SPATA16: variants seen among roughly 807,000 people sequenced by gnomAD.
SPATA16 encodes the protein spermatogenesis-associated protein 16.
A neutral mutation model predicts 63.3 loss-of-function variants in SPATA16; 36 were observed. The observed-to-expected ratio is 0.57, with a 90% CI of 0.44 to 0.75. The LOEUF (loss-of-function observed/expected upper bound fraction) is 0.75. SPATA16 is among the 30% of genes least tolerant of loss of function. The probability of loss-of-function intolerance (pLI) is 0.00; values close to 1 mark genes in which losing one functional copy is unlikely to be tolerated. For synonymous variants in SPATA16, 203 were observed against 216.7 expected, an observed-to-expected ratio of 0.94 and a Z score of 0.56; for missense variants, 646 against 679.3, an observed-to-expected ratio of 0.95 and a Z score of 0.54.
chr3:172,950,322 A>G (rs1733400039), intron 6 of SPATA16, among the ~76,000 whole-genome samples: 1 of 152,216 alleles, frequency 6.6e-6, no homozygotes, highest in Non-Finnish European at 1.5e-5. Flanking sequence ...TCCCATTGGG[A>G]AGATCAACGT....
intron 2 of SPATA16, among the ~76,000 whole-genome samples, chr3:173,074,042 G>A (rs193197816): frequency 1.3e-5 from 2 of 152,308 alleles, no homozygotes; most frequent in Admixed American, 1.3e-4. Flanking sequence ...GGACTTGCAT[G>A]GGGTCTTTAG....
rs534629354 is a variant in SPATA16, at chr3:173,048,653, T to C, written c.758+296A>G. On this transcript the variant is annotated intron_variant, in intron 3 of 10. Transcript: ENST00000351008. Reference sequence around the variant, plus strand: ...ATCCCTCTTACGATTCAATACCACCTCCCTTACTTACCTATTCTCTCCCTC... The same window carrying C: ...ATCCCTCTTACGATTCAATACCACCCCCCTTACTTACCTATTCTCTCCCTC... Among the ~76,000 whole-genome samples, 33 of 152,134 alleles carry C rather than the reference T, an allele frequency of 2.2e-4. 1 individual carries two copies. The South Asian group carries it at 6.6e-3, about 31-fold the overall frequency.
intron 10 of SPATA16, among the ~76,000 whole-genome samples, chr3:172,890,233 C>T (rs1419990009): frequency 6.6e-6 from 1 of 152,016 alleles, no homozygotes; most frequent in Admixed American, 6.6e-5. Context: ...TAAAAAATGC[C>T]ACACTCCAGG....
chr3:172,959,400 G>A (rs1395122406), intron 5 of SPATA16, among the ~76,000 whole-genome samples: 2 of 152,178 alleles, frequency 1.3e-5, no homozygotes, highest in Non-Finnish European at 2.9e-5. Context: ...GGCCTTAACA[G>A]GGCTCTCACT....
At chr3:173,042,578 C>T (rs533681722) in intron 3 of SPATA16, among the ~76,000 whole-genome samples, 32 of 152,248 alleles carry the variant, frequency 2.1e-4, no homozygotes, top group Non-Finnish European at 3.8e-4. Context: ...CTGAAAATTA[C>T]CTGTATTTGT....
At chr3:172,991,913 A>G (rs1175639387) in intron 4 of SPATA16, among the ~76,000 whole-genome samples, 2 of 152,188 alleles carry the variant, frequency 1.3e-5, no homozygotes, top group African/African-American at 2.4e-5. Flanking sequence ...AGTGTTCACT[A>G]TATGTGTTTA....
chr3:172,913,840 C>A, intron 9 of SPATA16, 96 bp from the exon 10 acceptor site: 1 of 1,071,672 alleles, frequency 9.3e-7, no homozygotes, highest in Non-Finnish European at 1.4e-6. Context: ...ATCATTTGTA[C>A]GCTGATGATT....
At chr3:172,967,113 C>T (rs187549713) in intron 5 of SPATA16, among the ~76,000 whole-genome samples, 2 of 152,298 alleles carry the variant, frequency 1.3e-5, no homozygotes, top group African/African-American at 4.8e-5. Context: ...AGCCACAGGC[C>T]TCCTGGGAAT....
At chr3:173,068,627 A>T (rs1438876172) in intron 2 of SPATA16, among the ~76,000 whole-genome samples, 3 of 152,162 alleles carry the variant, frequency 2.0e-5, no homozygotes, top group African/African-American at 7.2e-5. Context: ...AAATTGAAAA[A>T]TTTCTTGAAA....
intron 5 of SPATA16, 86 bp from the exon 6 acceptor site, chr3:172,956,910 G>A: frequency 6.6e-7 from 1 of 1,504,154 alleles, no homozygotes; most frequent in Non-Finnish European, 9.1e-7. Flanking sequence ...CTTTATGGAT[G>A]ACTTAAAAAT....
At chr3:172,969,864 T>C (rs990117674) in intron 5 of SPATA16, among the ~76,000 whole-genome samples, 2 of 152,176 alleles carry the variant, frequency 1.3e-5, no homozygotes, top group African/African-American at 2.4e-5. Flanking sequence ...TGTGCTTATA[T>C]GGTTTGGCTT....
chr3:173,106,366 T>A (rs1399751), intron 2 of SPATA16, among the ~76,000 whole-genome samples: 8,876 of 152,208 alleles, frequency 0.058, 730 homozygotes, highest in African/African-American at 0.18. Flanking sequence ...TGTTTTCCCC[T>A]AAAATCAACA....
intron 2 of SPATA16, among the ~76,000 whole-genome samples, chr3:173,090,891 A>T (rs1471003026): frequency 5.9e-5 from 9 of 152,180 alleles, no homozygotes; most frequent in Admixed American, 5.9e-4. Context: ...ATCACTACAC[A>T]TGTAGAGTAT....
chr3:173,029,677 C>CATCTTTGAAAAGAT (rs1269351532), intron 3 of SPATA16, among the ~76,000 whole-genome samples: 1 of 152,032 alleles, frequency 6.6e-6, no homozygotes, highest in Non-Finnish European at 1.5e-5. Flanking sequence ...GCCACACAAC[C>CATCTTTGAAAAGAT]ATCTTTGAAA....
intron 2 of SPATA16, among the ~76,000 whole-genome samples, chr3:173,088,016 TTC>T (rs1220462770): frequency 1.4e-5 from 1 of 69,952 alleles, no homozygotes; most frequent in South Asian, 4.5e-4. Flanking sequence ...CCGTCTTTCT[TTC>T]TTTCTTTCTT....
intron 4 of SPATA16, among the ~76,000 whole-genome samples, chr3:172,993,202 G>GAAA (rs71965210): frequency 1.2e-4 from 18 of 147,738 alleles, no homozygotes; most frequent in Admixed American, 1.4e-4. Flanking sequence ...AAATATTAGT[G>GAAA]AAAAAAAAAA....
intron 6 of SPATA16, among the ~76,000 whole-genome samples, chr3:172,956,128 C>T (rs1194565240): frequency 6.6e-6 from 1 of 151,988 alleles, no homozygotes; most frequent in Non-Finnish European, 1.5e-5. Context: ...ATATTTTTTG[C>T]ATGAGAATGA....
chr3:173,134,538 G>A (rs563947791), intron 1 of SPATA16, among the ~76,000 whole-genome samples: 1 of 151,942 alleles, frequency 6.6e-6, no homozygotes, highest in Non-Finnish European at 1.5e-5. Context: ...TGCCTCGCAT[G>A]TTTGGTCTTC....
At chr3:173,010,029 C>G (rs897356004) in intron 4 of SPATA16, among the ~76,000 whole-genome samples, 3 of 152,070 alleles carry the variant, frequency 2.0e-5, no homozygotes, top group Admixed American at 1.3e-4. Context: ...TTGGTTGTGG[C>G]AGGGGACCAA....
Sources: allele counts gnomAD v4.1 joint callset (sites outside exome capture counted in the v4.1 genomes callset), GRCh38; gene constraint gnomAD v4.1.1; transcripts MANE v1.5; gene names NCBI Gene and HGNC (gene_info 2026-07-23, HGNC 2026-07-21).